Variants in SOBP observed in about 807,000 individuals in gnomAD.
SOBP encodes the protein sine oculis binding protein homolog.
A neutral mutation model predicts 53.6 loss-of-function variants in SOBP; 4 were observed. The ratio of observed to expected loss-of-function variants is 0.07; its 90% CI spans 0.04 to 0.17. The LOEUF is 0.17. Ranked by LOEUF, SOBP falls within the 10% of genes least tolerant of loss-of-function variation. The probability of loss-of-function intolerance (pLI) is 1.00; values close to 1 mark genes in which losing one functional copy is unlikely to be tolerated. For missense variants in SOBP, 1,088 were observed against 1,204.7 expected (o/e 0.90, Z 1.43); for synonymous variants, 584 against 522.6 (o/e 1.12, Z -1.60).
rs574536950 is a variant in SOBP, at chr6:107,661,099, C to A, written c.*2896C>A. Among the ~76,000 whole-genome samples, 2 of 152,288 alleles carry A rather than the reference C, an allele frequency of 1.3e-5. No individual in the cohort carries two copies. The highest frequency in any genetic ancestry group is 2.1e-4 in the South Asian group (1 of 4,830). ...ACAGTCATCCAGGATATTGATTTTG[C>A]TTTTGTCTGTAGTCCAAGATTGTCA... On this transcript the variant is annotated 3_prime_UTR_variant, in exon 7 of 7. Transcript: ENST00000317357.
chr6:107,566,599 T>C (rs941028539), intron 4 of SOBP, among the ~76,000 whole-genome samples: 3 of 152,252 alleles, frequency 2.0e-5, no homozygotes, highest in African/African-American at 7.2e-5. Flanking sequence ...TTTCTCTGGC[T>C]GTCTGCTCCA....
At chr6:107,579,102 C>G (rs1169782517) in intron 4 of SOBP, among the ~76,000 whole-genome samples, 1 of 152,134 alleles carries the variant, frequency 6.6e-6, no homozygotes, top group African/African-American at 2.4e-5. Context: ...TTTTGTTTCC[C>G]CTCACTGTGT....
intron 5 of SOBP, among the ~76,000 whole-genome samples, chr6:107,602,198 A>G (rs1440991359): frequency 1.3e-5 from 2 of 152,368 alleles, no homozygotes; most frequent in Middle Eastern, 3.4e-3. Context: ...AGACTGAAAC[A>G]GAAGTAAAAA....
chr6:107,539,976 G>A (rs1233363898), intron 4 of SOBP, among the ~76,000 whole-genome samples: 2 of 152,214 alleles, frequency 1.3e-5, no homozygotes, highest in East Asian at 3.8e-4. Context: ...AAGGTTCTGA[G>A]AGTGCTTGGT....
intron 1 of SOBP, among the ~76,000 whole-genome samples, chr6:107,500,639 A>G (rs1051393581): frequency 1.3e-5 from 2 of 151,524 alleles, no homozygotes; most frequent in African/African-American, 4.9e-5. Context: ...CTCCTGCCTC[A>G]GCCTCCCAAG....
chr6:107,520,856 C>T (rs992285386), intron 3 of SOBP, among the ~76,000 whole-genome samples: 1 of 152,190 alleles, frequency 6.6e-6, no homozygotes, highest in African/African-American at 2.4e-5. Context: ...ACTTTGTTCT[C>T]AAAGGCAGTG....
At chr6:107,646,338 C>A (rs1331266135) in intron 6 of SOBP, among the ~76,000 whole-genome samples, 1 of 152,200 alleles carries the variant, frequency 6.6e-6, no homozygotes, top group South Asian at 2.1e-4. Flanking sequence ...ATCAACAGAC[C>A]ATTCCAGGAT....
chr6:107,606,975 G>T (rs1288099888), intron 5 of SOBP, among the ~76,000 whole-genome samples: 1 of 152,246 alleles, frequency 6.6e-6, no homozygotes, highest in Non-Finnish European at 1.5e-5. Context: ...GGTTTCGCCT[G>T]TTGTTGGGAG....
intron 3 of SOBP, among the ~76,000 whole-genome samples, chr6:107,526,983 A>G (rs1248286804): frequency 6.6e-6 from 1 of 152,252 alleles, no homozygotes; most frequent in Non-Finnish European, 1.5e-5. Context: ...TTTAGGTACT[A>G]CAAAGACTCA....
At chr6:107,508,465 G>A (rs146109760) in intron 3 of SOBP, among the ~76,000 whole-genome samples, 156 of 152,276 alleles carry the variant, frequency 1.0e-3, no homozygotes, top group African/African-American at 2.7e-3. Flanking sequence ...TGTAATCCCA[G>A]CTACTCGGGA....
At chr6:107,505,893 C>T (rs190669436) in intron 2 of SOBP, among the ~76,000 whole-genome samples, 209 of 152,288 alleles carry the variant, frequency 1.4e-3, no homozygotes, top group Non-Finnish European at 2.5e-3. Flanking sequence ...TCAGGCAATC[C>T]ACCCTCCTTG....
rs760532040 is a variant in SOBP at position 107,634,591 on chromosome 6, T to A, written c.1747T>A (p.Ser583Thr). 6 of 1,601,418 alleles carry A rather than the reference T, an allele frequency of 3.7e-6. No homozygotes were observed. The Admixed American group carries it at 5.0e-5, about 13-fold the overall frequency. The change falls in exon 6 of 7, where the codon TCC (serine) becomes ACC (threonine). Residue 583 changes from serine (S) to threonine (T), a missense_variant. Around this residue, in one of 6 missense-constraint regions of SOBP, gnomAD observed 665 missense variants for 629.7 expected, o/e 1.06. Transcript: ENST00000317357. The surrounding 1 kb of genome is among the most constrained non-coding windows in gnomAD (Gnocchi z 4.5). ...CGGCAAGCCAAGCGGACACTCCCTGTCCCCCCGGGACTCCAAGCAGGGCTC... is the reference window on the plus strand; with the variant it reads ...CGGCAAGCCAAGCGGACACTCCCTGACCCCCCGGGACTCCAAGCAGGGCTC... Reference protein sequence around the residue: ...AGGKPSGHSLSPRDSKQGSSK... With the variant: ...AGGKPSGHSLTPRDSKQGSSK...
chr6:107,605,462 A>G (rs1786340258), intron 5 of SOBP, among the ~76,000 whole-genome samples: 1 of 152,260 alleles, frequency 6.6e-6, no homozygotes. Context: ...CAGTGCATTA[A>G]CATTTCTTTC....
chr6:107,544,171 A>T (rs10457170), intron 4 of SOBP, among the ~76,000 whole-genome samples: 2,842 of 152,258 alleles, frequency 0.019, 44 homozygotes, highest in East Asian at 0.054. Context: ...TGAAGCTACT[A>T]TCTTTGTGGC....
intron 4 of SOBP, among the ~76,000 whole-genome samples, chr6:107,541,587 G>C (rs1384659246): frequency 6.6e-6 from 1 of 152,178 alleles, no homozygotes; most frequent in Non-Finnish European, 1.5e-5. Context: ...TAGGAATTTT[G>C]AGATATTATG....
At chr6:107,592,965 G>A (rs1176331744) in intron 5 of SOBP, among the ~76,000 whole-genome samples, 1 of 152,222 alleles carries the variant, frequency 6.6e-6, no homozygotes. Flanking sequence ...AGACCATCTA[G>A]ACTTTAATAC....
intron 4 of SOBP, among the ~76,000 whole-genome samples, chr6:107,546,508 C>T (rs1328385850): frequency 3.3e-5 from 5 of 152,214 alleles, no homozygotes; most frequent in Non-Finnish European, 7.3e-5. Context: ...TCTCAAGGGT[C>T]TGCTTTGCTG....
intron 5 of SOBP, among the ~76,000 whole-genome samples, chr6:107,609,257 G>C (rs1336764715): frequency 6.6e-6 from 1 of 152,180 alleles, no homozygotes; most frequent in African/African-American, 2.4e-5. Flanking sequence ...AACAGTAACT[G>C]TAAATAGGCA....
At chr6:107,508,591 A>G (rs762754895) in intron 3 of SOBP, among the ~76,000 whole-genome samples, 1 of 152,162 alleles carries the variant, frequency 6.6e-6, no homozygotes, top group East Asian at 1.9e-4. Context: ...AAAAAGAAAA[A>G]AAAAAGTCCT....
Sources: gnomAD v4.1 joint callset for allele counts (sites outside exome capture counted in the v4.1 genomes callset) on GRCh38, gnomAD v4.1.1 for gene constraint, gnomAD v4.1.1 regional missense constraint, Gnocchi (gnomAD v3.1) non-coding constraint, MANE v1.5 for transcripts, NCBI Gene and HGNC (gene_info 2026-07-23, HGNC 2026-07-21) for gene names.